COL16A1: variants seen among roughly 807,000 people sequenced by gnomAD.
The protein encoded by COL16A1 is collagen type XVI alpha 1 chain, also known as collagen alpha-1(XVI) chain.
Under a neutral mutation model 266.3 loss-of-function variants are expected in COL16A1, and 189 were observed. The observed-to-expected ratio is 0.71, with a 90% CI of 0.63 to 0.80. COL16A1 has a LOEUF of 0.80. COL16A1 is among the 30% of genes least tolerant of loss of function. The pLI is 0.00. For synonymous variants in COL16A1, 740 were observed against 782.3 expected (o/e 0.95, Z 0.90); for missense variants, 1,928 against 2,122.4 (o/e 0.91, Z 1.80).
chr1:31,671,804 G>A (rs1027616358), intron 47 of COL16A1, 145 bp from the exon 48 acceptor site: 12 of 922,794 alleles, frequency 1.3e-5, no homozygotes, highest in African/African-American at 5.0e-5. Context: ...GCTGATGTTC[G>A]AACAATCTTT....
chr1:31,657,356 G>A lies in COL16A1; in HGVS notation c.4021-288C>T. ...CTGTGTGCTTGGATCCTGGCACCTTGCACACTCCCTGGCTCTGAATCTATG... is the reference window on the plus strand; with the variant it reads ...CTGTGTGCTTGGATCCTGGCACCTTACACACTCCCTGGCTCTGAATCTATG... On this transcript the variant is annotated intron_variant, in intron 64 of 70. Coordinates refer to ENST00000373672, the MANE Select transcript of COL16A1 (RefSeq NM_001856.4). The surrounding 1 kb of genome is among the most constrained non-coding windows in gnomAD (Gnocchi z 6.4). 1 of 506,780 alleles carries A rather than the reference G, an allele frequency of 2.0e-6. No individual in the cohort carries two copies. Among genetic ancestry groups the A allele is most frequent in the Non-Finnish European group, 3.6e-6 (1 of 281,258 alleles). 31.4% of individuals were successfully genotyped at this position (506,780 alleles called of 1,614,324 possible). A position where few individuals can be genotyped will look rare whatever the true frequency, so the allele number is the denominator to read the frequency against.
chr1:31,665,161 G>T lies in COL16A1; in HGVS notation c.3555+11C>A. 2 of 1,606,400 alleles carry T rather than the reference G, an allele frequency of 1.2e-6. No individual in the cohort carries two copies. The highest frequency in any genetic ancestry group is 1.7e-6 in the Non-Finnish European group (2 of 1,177,888). On this transcript the variant is annotated intron_variant, in intron 56 of 70. Coordinates refer to ENST00000373672, the MANE Select transcript of COL16A1 (RefSeq NM_001856.4). ...AGATCTGTGACTTTGCCAACCCAGG[G>T]TCCTGCTCACCTTCTCTGCTTGAGG...
At chr1:31,661,200 C>A in intron 60 of COL16A1, 81 bp from the exon 61 acceptor site, 1 of 1,514,136 alleles carries the variant, frequency 6.6e-7, no homozygotes, top group Non-Finnish European at 9.0e-7. Context: ...ATCAGAGGGA[C>A]CCTGCCACCT....
intron 9 of COL16A1, 100 bp from the exon 10 acceptor site, chr1:31,695,887 T>C: frequency 2.6e-6 from 3 of 1,161,132 alleles, no homozygotes. Flanking sequence ...GTGGGCACTC[T>C]AGAGAGTGCC....
Position 31,674,936 on chromosome 1 carries a change from G to A in COL16A1, c.2859+71C>T, listed in dbSNP as rs1253226614. 7 of 1,586,328 alleles carry A rather than the reference G, an allele frequency of 4.4e-6. No homozygotes were observed. In the African/African-American group the frequency reaches 6.7e-5, roughly 15 times the overall value. ...TCTCTGCGAGGTGCCACACAGCTGA[G>A]CACTTACTAAGAGAATCCCCTTAGG... On this transcript the variant is annotated intron_variant, in intron 44 of 70. Transcript: ENST00000373672.
In COL16A1 at chr1:31,699,830, G is replaced by A. The variant is rs779896856; in HGVS notation, c.249C>T (p.Pro83=). ...GCATTTACCGCGTGGGCTGGGTCAC[G>A]GGGGCCGCCCCCAGGCGCAGGATGA... ...GPLILRLGAA[P]VTQPTRRVFP... The change falls in exon 4 of 71, where the codon CCC becomes CCT. Residue 83 remains proline, a synonymous_variant. Transcript: ENST00000373672. The A allele has an allele frequency of 3.2e-5, 51 of 1,609,484 alleles. No individual in the cohort carries two copies. Among genetic ancestry groups the A allele is most frequent in the South Asian group, 9.9e-5 (9 of 90,982 alleles).
In COL16A1 at chr1:31,688,653, G is replaced by GAAA; in HGVS notation, c.1768-152_1768-151insTTT. 1 of 1,196,866 alleles carries GAAA rather than the reference G, an allele frequency of 8.4e-7. No homozygotes were observed. The highest frequency in any genetic ancestry group is 1.2e-6 in the Non-Finnish European group (1 of 816,640). 74.1% of individuals were successfully genotyped at this position (1,196,866 alleles called of 1,614,324 possible). On this transcript the variant is annotated intron_variant, in intron 25 of 70. Coordinates refer to ENST00000373672, the MANE Select transcript of COL16A1 (RefSeq NM_001856.4). This position sits in a 1 kb window ranked among gnomAD's most constrained non-coding sequence, Gnocchi z 4.9. Reference sequence around the variant, plus strand: ...CAGTTTCTTCAGTTAGACAACTGAAGCTAGAGGTGCTAAGAGGAAGTTCCA... The same window carrying GAAA: ...CAGTTTCTTCAGTTAGACAACTGAAGAAACTAGAGGTGCTAAGAGGAAGTTCCA...
intron 12 of COL16A1, among the ~76,000 whole-genome samples, chr1:31,693,483 T>G (rs1352896070): frequency 1.3e-5 from 2 of 152,172 alleles, no homozygotes; most frequent in South Asian, 4.1e-4. Flanking sequence ...GACACACACA[T>G]GCACGGTGGC....
In COL16A1 at chr1:31,685,591, C is replaced by A; in HGVS notation, c.2016+48G>T. ...GCAGGACCCCTCCCCTCTCCTTAGC[C>A]CCGCCTGCATCCCCCGTCCAGAGGC... On this transcript the variant is annotated intron_variant, in intron 29 of 70. Transcript: ENST00000373672. The surrounding 1 kb of genome is among the most constrained non-coding windows in gnomAD (Gnocchi z 4.0). The A allele has an allele frequency of 6.3e-7, 1 of 1,595,856 alleles. No individual in the cohort carries two copies. Among genetic ancestry groups the A allele is most frequent in the Non-Finnish European group, 8.6e-7 (1 of 1,168,406 alleles).
intron 55 of COL16A1, 140 bp from the exon 56 acceptor site, chr1:31,665,374 T>A: frequency 2.1e-6 from 3 of 1,426,992 alleles, no homozygotes; most frequent in Non-Finnish European, 2.8e-6. Context: ...GAGCATTACG[T>A]CTGCCTGGCC....
chr1:31,681,643 C>T (rs1188693168), intron 37 of COL16A1, among the ~76,000 whole-genome samples: 2 of 152,246 alleles, frequency 1.3e-5, no homozygotes, highest in African/African-American at 4.8e-5. Context: ...GAGTAGAGGT[C>T]TGGAACGTTC....
chr1:31,660,168 C>A (rs1464912292), intron 62 of COL16A1: 1 of 165,232 alleles, frequency 6.1e-6, no homozygotes, highest in African/African-American at 2.4e-5. Context: ...ACAGGAAATT[C>A]ATTGTTGCTT....
In COL16A1 at chr1:31,657,196, C is replaced by T. The variant is rs1298634445; in HGVS notation, c.4021-128G>A. The T allele has an allele frequency of 2.5e-6, 3 of 1,187,992 alleles. No homozygotes were observed. The allele number at this position is 1,187,992 out of a possible 1,614,324, so 73.6% of individuals were successfully genotyped here. ...GAGGCCACGATCCTCCAGCCCTCAC[C>T]CTCTGACAATCTGGGCACAGGCCGT... On this transcript the variant is annotated intron_variant, in intron 64 of 70. Coordinates refer to ENST00000373672, the MANE Select transcript of COL16A1 (RefSeq NM_001856.4). The surrounding 1 kb of genome is among the most constrained non-coding windows in gnomAD (Gnocchi z 6.4).
rs768848609 is a variant in COL16A1 at position 31,652,742 on chromosome 1, G to A, written c.4724C>T (p.Ala1575Val). 1 of 1,604,906 alleles carries A rather than the reference G, an allele frequency of 6.2e-7. No homozygotes were observed. Among genetic ancestry groups the A allele is most frequent in the Non-Finnish European group, 8.5e-7 (1 of 1,177,454 alleles). Residue 1575 changes from alanine to valine, a missense_variant, in exon 71 of 71, where the codon GCT becomes GTT. Physicochemically the swap from Ala to Val is moderately conservative, Grantham distance 64. Transcript: ENST00000373672. The surrounding 1 kb of genome is among the most constrained non-coding windows in gnomAD (Gnocchi z 4.8). Reference protein sequence around the residue: ...PPGPMGQPGKAGHCNPSDCFG... With the variant: ...PPGPMGQPGKVGHCNPSDCFG... ...GCAGTCAGAGGGATTACAGTGGCCA[G>A]CCTTGCCTGGCTGGCCCATGGGACC... is the stretch of plus-strand genomic sequence containing the variant.
At chr1:31,672,939 G>A in intron 44 of COL16A1, 99 bp from the exon 45 acceptor site, 3 of 1,121,912 alleles carry the variant, frequency 2.7e-6, no homozygotes, top group African/African-American at 3.1e-5. Flanking sequence ...AGGGCTCCCT[G>A]CCCTGCCGTC....
chr1:31,674,638 C>G (rs984663388), intron 44 of COL16A1, among the ~76,000 whole-genome samples: 1 of 152,224 alleles, frequency 6.6e-6, no homozygotes, highest in Non-Finnish European at 1.5e-5. Flanking sequence ...TCACAGCCCC[C>G]CACCACTGCA....
At position 31,663,079 on chromosome 1, in the gene COL16A1, C is replaced by T. The variant is rs1211162528; in HGVS notation, c.3556-421G>A. The stretch of plus-strand genomic sequence containing the variant: ...CCCCCCATCCCAGCAGACATGGGCC[C>T]GGGCTGCACAGAGGCCTCAACAGCG... On this transcript the variant is annotated intron_variant, in intron 56 of 70. Coordinates refer to ENST00000373672, the MANE Select transcript of COL16A1 (RefSeq NM_001856.4). This position sits in a 1 kb window ranked among gnomAD's most constrained non-coding sequence, Gnocchi z 4.9. 4 of 245,064 alleles carry T rather than the reference C, an allele frequency of 1.6e-5. No individual in the cohort carries two copies. The highest frequency in any genetic ancestry group is 3.2e-5 in the Non-Finnish European group (4 of 123,140). The allele number at this position is 245,064 out of a possible 1,614,324, so 15.2% of individuals were successfully genotyped here.
At chr1:31,689,673 T>C in intron 23 of COL16A1, 68 bp downstream of exon 23, 3 of 1,308,822 alleles carry the variant, frequency 2.3e-6, no homozygotes, top group African/African-American at 1.5e-5. Flanking sequence ...AATTCCTCTC[T>C]ATGATCATGT....
intron 13 of COL16A1, 99 bp downstream of exon 13, chr1:31,692,993 A>C (rs1570570710): frequency 5.9e-6 from 6 of 1,008,738 alleles, no homozygotes; most frequent in Middle Eastern, 2.6e-4. Context: ...GCCAAGCTGC[A>C]GGCTTTCTGC....
Sources: gnomAD v4.1 joint callset for allele counts (sites outside exome capture counted in the v4.1 genomes callset) on GRCh38, gnomAD v4.1.1 for gene constraint, Gnocchi (gnomAD v3.1) non-coding constraint, MANE v1.5 for transcripts, NCBI Gene and HGNC (gene_info 2026-07-23, HGNC 2026-07-21) for gene names.